CDC5L: variants seen among roughly 807,000 people sequenced by gnomAD.
The protein encoded by CDC5L is cell division cycle 5-like protein.
In CDC5L, 18 loss-of-function variants were observed where a neutral mutation model predicts 104.1. That is an observed-to-expected ratio of 0.17 (90% CI 0.12 to 0.26). The LOEUF (loss-of-function observed/expected upper bound fraction) is 0.26. CDC5L is among the 10% of genes least tolerant of loss of function. The pLI, the probability that CDC5L is intolerant of heterozygous loss-of-function variation, is 1.00. For missense variants in CDC5L, 673 were observed against 956.9 expected, an observed-to-expected ratio of 0.70 and a Z score of 3.91; for synonymous variants, 331 against 322.7, an observed-to-expected ratio of 1.03 and a Z score of -0.28.
intron 8 of CDC5L, among the ~76,000 whole-genome samples, chr6:44,414,704 G>T (rs933328090): frequency 5.2e-4 from 79 of 151,994 alleles, no homozygotes; most frequent in Non-Finnish European, 6.3e-4. Context: ...TATATAACTT[G>T]CAGATGTTTC....
chr6:44,422,322 C>T (rs1581654761), intron 9 of CDC5L, among the ~76,000 whole-genome samples: 1 of 152,096 alleles, frequency 6.6e-6, no homozygotes, highest in East Asian at 1.9e-4. Flanking sequence ...GTGTGGTGGC[C>T]CACCTCCCTG....
intron 14 of CDC5L, 103 bp from the exon 15 acceptor site, chr6:44,445,552 T>C (rs967474655): frequency 1.4e-6 from 1 of 694,060 alleles, no homozygotes; most frequent in Admixed American, 2.9e-5. Flanking sequence ...TAGTGTATTT[T>C]TGCTTTGAGA....
chr6:44,432,124 T>C (rs1792715045), intron 14 of CDC5L, among the ~76,000 whole-genome samples: 1 of 152,236 alleles, frequency 6.6e-6, no homozygotes, highest in African/African-American at 2.4e-5. Flanking sequence ...CCCATTTTAT[T>C]TGTATCCATC....
intron 8 of CDC5L, among the ~76,000 whole-genome samples, chr6:44,419,130 A>G (rs571943120): frequency 2.0e-5 from 3 of 152,068 alleles, no homozygotes; most frequent in Non-Finnish European, 4.4e-5. Flanking sequence ...TTATGGTTTT[A>G]GGTCTAACAT....
At chr6:44,408,816 A>C (rs1791496697) in intron 8 of CDC5L, among the ~76,000 whole-genome samples, 184 bp downstream of exon 8, 1 of 152,022 alleles carries the variant, frequency 6.6e-6, no homozygotes, top group Non-Finnish European at 1.5e-5. Flanking sequence ...GCAATCAGGT[A>C]GTTTTATTTT....
rs192032285 is a variant in CDC5L at position 44,446,008 on chromosome 6, C to T, written c.2304+141C>T. 2,153 of 669,182 alleles carry T rather than the reference C, an allele frequency of 3.2e-3. 9 individuals carry two copies. Among genetic ancestry groups the T allele is most frequent in the Non-Finnish European group, 3.6e-3 (1,436 of 394,990 alleles). The allele number at this position is 669,182 out of a possible 1,614,324, so 41.5% of individuals were successfully genotyped here. On this transcript the variant is annotated intron_variant, in intron 15 of 15. Transcript: ENST00000371477. The stretch of plus-strand genomic sequence containing the variant: ...AAAAATGAGAGCCTAAAGTGTTTGA[C>T]TTTCTAATCTAGAATTGCCTCTGTG...
Position 44,446,591 on chromosome 6 carries a change from A to G in CDC5L, c.2305-16A>G. On this transcript the variant is annotated splice_polypyrimidine_tract_variant and intron_variant, in intron 15 of 15. Coordinates refer to ENST00000371477, the MANE Select transcript of CDC5L (RefSeq NM_001253.4). ...TAGTTACATCTAAAATAATTACTTAATTTTTTTTCTTTAAGTGTCTAAAAG... is the reference window on the plus strand; with the variant it reads ...TAGTTACATCTAAAATAATTACTTAGTTTTTTTTCTTTAAGTGTCTAAAAG... 1 of 1,332,800 alleles carries G rather than the reference A, an allele frequency of 7.5e-7. No individual in the cohort carries two copies. The highest frequency in any genetic ancestry group is 1.0e-6 in the Non-Finnish European group (1 of 960,444). 82.6% of individuals were successfully genotyped at this position (1,332,800 alleles called of 1,614,324 possible). A position where few individuals can be genotyped will look rare whatever the true frequency, so the allele number is the denominator to read the frequency against.
chr6:44,442,894 C>T (rs571788666), intron 14 of CDC5L, among the ~76,000 whole-genome samples: 1 of 152,258 alleles, frequency 6.6e-6, no homozygotes, highest in Non-Finnish European at 1.5e-5. Context: ...CTCCTTTTAG[C>T]ATTTCCTGTA....
At chr6:44,404,859 A>G (rs1296419113) in intron 6 of CDC5L, among the ~76,000 whole-genome samples, 1 of 151,912 alleles carries the variant, frequency 6.6e-6, no homozygotes, top group Admixed American at 6.6e-5. Context: ...TGACTGGCTA[A>G]TTTTTTATTT....
intron 2 of CDC5L, among the ~76,000 whole-genome samples, chr6:44,390,893 A>G (rs995370509): frequency 8.8e-5 from 13 of 147,564 alleles, no homozygotes; most frequent in Admixed American, 6.1e-4. Flanking sequence ...TATATTATAT[A>G]TTAAACATAC....
chr6:44,423,502 G>T (rs1024475973), intron 10 of CDC5L, among the ~76,000 whole-genome samples: 1 of 152,190 alleles, frequency 6.6e-6, no homozygotes, highest in Non-Finnish European at 1.5e-5. Flanking sequence ...AGTAAAACCA[G>T]TGTGCTTAGG....
intron 14 of CDC5L, among the ~76,000 whole-genome samples, chr6:44,437,682 G>A (rs1792998975): frequency 6.6e-6 from 1 of 152,156 alleles, no homozygotes; most frequent in Admixed American, 6.5e-5. Flanking sequence ...CCAAGATACA[G>A]GGTACTGATA....
chr6:44,413,319 G>A lies in CDC5L; in HGVS notation c.1092+4687G>A, dbSNP rs114126847. Among the ~76,000 whole-genome samples the A allele has an allele frequency of 7.3e-3, 1,110 of 152,208 alleles. 12 individuals carry two copies. The highest frequency in any genetic ancestry group is 0.025 in the African/African-American group (1,045 of 41,524). ...TTCATCCATGTTGTAGCTTTTATCA[G>A]TACTTTATTCCTTTTTGTCATTGCA... is the stretch of plus-strand genomic sequence containing the variant. On this transcript the variant is annotated intron_variant, in intron 8 of 15. Coordinates refer to ENST00000371477, the MANE Select transcript of CDC5L (RefSeq NM_001253.4).
Position 44,446,736 on chromosome 6 carries a change from GATTA to G in CDC5L, c.*33_*36del, listed in dbSNP as rs1434626188. 6 of 1,157,716 alleles carry G rather than the reference GATTA, an allele frequency of 5.2e-6. No individual in the cohort carries two copies. Among genetic ancestry groups the G allele is most frequent in the Middle Eastern group, 2.0e-4 (1 of 5,092 alleles). 71.7% of individuals were successfully genotyped at this position (1,157,716 alleles called of 1,614,324 possible). A position where few individuals can be genotyped will look rare whatever the true frequency, so the allele number is the denominator to read the frequency against. ...AAGTACAGTTTATATTCTGTCACAGGATTAATTAATTGCCGGTTTTCATACTCTA... is the reference window on the plus strand; with the variant it reads ...AAGTACAGTTTATATTCTGTCACAGGATTAATTGCCGGTTTTCATACTCTA... On this transcript the variant is annotated 3_prime_UTR_variant, in exon 16 of 16. Transcript: ENST00000371477.
At chr6:44,413,505 A>G (rs2894571) in intron 8 of CDC5L, among the ~76,000 whole-genome samples, 149,903 of 152,310 alleles carry the variant, frequency 0.98, 73,774 homozygotes, top group East Asian at 1. Context: ...ATACCTAGGA[A>G]TGGAATTACT....
At chr6:44,391,340 C>T (rs1470253054) in intron 2 of CDC5L, among the ~76,000 whole-genome samples, 3 of 151,870 alleles carry the variant, frequency 2.0e-5, no homozygotes, top group African/African-American at 7.3e-5. Flanking sequence ...GCTTTGCCTC[C>T]CGGGTTCACG....
rs184227170 is a variant in CDC5L, at chr6:44,401,032, T to C, written c.540-2777T>C. Among the ~76,000 whole-genome samples the C allele has an allele frequency of 1.4e-3, 219 of 152,358 alleles. 6 individuals carry two copies. The highest frequency in any genetic ancestry group is 0.013 in the Admixed American group (192 of 15,308). On this transcript the variant is annotated intron_variant, in intron 5 of 15. Coordinates refer to ENST00000371477, the MANE Select transcript of CDC5L (RefSeq NM_001253.4). ...CAAACTAGTAGGCCTACAGATTTGG[T>C]ATCTCCATTAAGTCTGTCAAGCTTT...
chr6:44,421,272 T>C (rs1792160571), intron 9 of CDC5L, among the ~76,000 whole-genome samples: 1 of 152,258 alleles, frequency 6.6e-6, no homozygotes, highest in Non-Finnish European at 1.5e-5. Context: ...ATTCAGTATT[T>C]CTTTATAACT....
chr6:44,394,280 G>C (rs1309719134), intron 4 of CDC5L, among the ~76,000 whole-genome samples: 1 of 152,086 alleles, frequency 6.6e-6, no homozygotes, highest in African/African-American at 2.4e-5. Context: ...ACTGAGTAGT[G>C]TAATTCTACT....
Sources: allele counts gnomAD v4.1 joint callset (sites outside exome capture counted in the v4.1 genomes callset), GRCh38; gene constraint gnomAD v4.1.1; transcripts MANE v1.5; gene names NCBI Gene and HGNC (gene_info 2026-07-23, HGNC 2026-07-21).